PARD6G: variants seen among roughly 807,000 people sequenced by gnomAD.
PARD6G encodes the protein partitioning defective 6 homolog gamma.
A neutral mutation model predicts 10.7 loss-of-function variants in PARD6G; 7 were observed. That is an observed-to-expected ratio of 0.66 (90% CI 0.37 to 1.23). The LOEUF is 1.23. Among genes scored for constraint, PARD6G ranks in the 50% most tolerant of loss-of-function variants. The probability of loss-of-function intolerance (pLI) is 0.02; values close to 1 mark genes in which losing one functional copy is unlikely to be tolerated. For synonymous variants in PARD6G, 287 were observed against 269.4 expected (o/e 1.07, Z -0.64); for missense variants, 548 against 571.8 (o/e 0.96, Z 0.42).
Position 80,200,392 on chromosome 18 carries a change from C to T in PARD6G, c.295+2318G>A, listed in dbSNP as rs951949932. The stretch of plus-strand genomic sequence containing the variant: ...GCTCTGATTTTCCCAAAGACAGGAC[C>T]GAGGGGCCAGTGAAGGGCTTGTCAT... On this transcript the variant is annotated intron_variant, in intron 2 of 2. Coordinates refer to ENST00000353265, the MANE Select transcript of PARD6G (RefSeq NM_032510.4). The surrounding 1 kb of genome is among the most constrained non-coding windows in gnomAD (Gnocchi z 4.4). Among the ~76,000 whole-genome samples, 5 of 152,094 alleles carry T rather than the reference C, an allele frequency of 3.3e-5. No homozygotes were observed. The highest frequency in any genetic ancestry group is 4.8e-5 in the African/African-American group (2 of 41,418).
intron 2 of PARD6G, chr18:80,177,978 C>CACACAT (rs1694391735): frequency 6.2e-6 from 1 of 162,542 alleles, no homozygotes; most frequent in Non-Finnish European, 1.5e-5. Flanking sequence ...TGCATACACA[C>CACACAT]ACACACACAC....
chr18:80,243,885 C>T (rs529801801), intron 1 of PARD6G, among the ~76,000 whole-genome samples: 8 of 152,104 alleles, frequency 5.3e-5, no homozygotes, highest in Non-Finnish European at 1.0e-4. Flanking sequence ...GGGCCATCTA[C>T]GCTCACGTCT....
intron 2 of PARD6G, 162 bp downstream of exon 2, chr18:80,202,548 T>C (rs1967017219): frequency 1.7e-6 from 1 of 594,476 alleles, no homozygotes; most frequent in Non-Finnish European, 3.0e-6. Flanking sequence ...CAGTTTAGTA[T>C]TTTGTCTATT....
At position 80,247,252 on chromosome 18, in the gene PARD6G, C is replaced by T. The variant is rs749309737; in HGVS notation, c.72+25G>A. On this transcript the variant is annotated intron_variant, in intron 1 of 2. Coordinates refer to ENST00000353265, the MANE Select transcript of PARD6G (RefSeq NM_032510.4). The surrounding 1 kb of genome is among the most constrained non-coding windows in gnomAD (Gnocchi z 4.2). ...ATTAGCCAGGAGACTGGGCGCAGGGCCGCCGGGGCGGGCGGGGGGCTTACC... is the reference window on the plus strand; with the variant it reads ...ATTAGCCAGGAGACTGGGCGCAGGGTCGCCGGGGCGGGCGGGGGGCTTACC... The T allele has an allele frequency of 1.3e-6, 2 of 1,561,496 alleles. No homozygotes were observed. Among genetic ancestry groups the T allele is most frequent in the East Asian group, 2.5e-5 (1 of 39,486 alleles).
At chr18:80,171,271 C>G (rs576101632) in intron 2 of PARD6G, 1 of 152,224 alleles carries the variant, frequency 6.6e-6, no homozygotes. Flanking sequence ...CGTCCCTCGT[C>G]GGGTAGTGCT....
chr18:80,194,141 C>A (rs1035827097), intron 2 of PARD6G, among the ~76,000 whole-genome samples: 1 of 152,200 alleles, frequency 6.6e-6, no homozygotes, highest in Non-Finnish European at 1.5e-5. Flanking sequence ...ATTTCTACAA[C>A]GAGCTACTTT....
rs1277105310 is a variant in PARD6G at position 80,228,371 on chromosome 18, G to A, written c.72+18906C>T. ...TGGAGAACACAGGCCACATGCACAA[G>A]GCCACCCAGGTCCCTCTACATTGAC... On this transcript the variant is annotated intron_variant, in intron 1 of 2. Transcript: ENST00000353265. This position sits in a 1 kb window ranked among gnomAD's most constrained non-coding sequence, Gnocchi z 4.6. Among the ~76,000 whole-genome samples, 1 of 152,106 alleles carries A rather than the reference G, an allele frequency of 6.6e-6. No individual in the cohort carries two copies. Among genetic ancestry groups the A allele is most frequent in the African/African-American group, 2.4e-5 (1 of 41,412 alleles).
chr18:80,239,384 C>T (rs958347060), intron 1 of PARD6G, among the ~76,000 whole-genome samples: 49 of 152,158 alleles, frequency 3.2e-4, no homozygotes, highest in African/African-American at 1.1e-3. Flanking sequence ...CTGGGCTACA[C>T]TGGAGGAAGA....
At chr18:80,177,216 G>GCACA (rs1491357384) in intron 2 of PARD6G, among the ~76,000 whole-genome samples, 16 of 48,168 alleles carry the variant, frequency 3.3e-4, no homozygotes, top group African/African-American at 1.9e-3. Flanking sequence ...TAAATGGGAA[G>GCACA]CGCACACACA....
At chr18:80,196,972 A>G (rs902324487) in intron 2 of PARD6G, among the ~76,000 whole-genome samples, 1 of 150,472 alleles carries the variant, frequency 6.6e-6, no homozygotes, top group Non-Finnish European at 1.5e-5. Context: ...AAAGCAGCAA[A>G]CATGTCTCAT....
intron 1 of PARD6G, among the ~76,000 whole-genome samples, chr18:80,214,044 A>G (rs1045525178): frequency 1.3e-5 from 2 of 152,140 alleles, no homozygotes; most frequent in African/African-American, 4.8e-5. Flanking sequence ...AGCAGTCAGT[A>G]GAAACTGTCC....
chr18:80,167,221 G>A lies in PARD6G; in HGVS notation c.296-6615C>T, dbSNP rs1020983832. Among the ~76,000 whole-genome samples, 10 of 151,684 alleles carry A rather than the reference G, an allele frequency of 6.6e-5. No homozygotes were observed. In the South Asian group the frequency reaches 1.3e-3, roughly 20 times the overall value. The stretch of plus-strand genomic sequence containing the variant: ...CAGGATAACACGTGGGCAGTGTTGT[G>A]TGTGGACCTGTGTGCCGGATAACAC... On this transcript the variant is annotated intron_variant, in intron 2 of 2. Transcript: ENST00000353265.
intron 2 of PARD6G, among the ~76,000 whole-genome samples, chr18:80,176,734 G>A (rs1458831843): frequency 1.3e-5 from 2 of 152,138 alleles, no homozygotes; most frequent in South Asian, 2.1e-4. Flanking sequence ...CCGAGCTCCC[G>A]ACAGGGCAAA....
intron 1 of PARD6G, among the ~76,000 whole-genome samples, chr18:80,217,479 C>T (rs1967181648): frequency 6.6e-6 from 1 of 152,108 alleles, no homozygotes; most frequent in Non-Finnish European, 1.5e-5. Flanking sequence ...CACTCTCAGC[C>T]AGGTAACCAA....
chr18:80,230,715 G>A (rs888826085), intron 1 of PARD6G, among the ~76,000 whole-genome samples: 2 of 152,190 alleles, frequency 1.3e-5, no homozygotes, highest in African/African-American at 4.8e-5. Flanking sequence ...ACTGCTAAAT[G>A]TAGGAGGTGG....
intron 2 of PARD6G, among the ~76,000 whole-genome samples, chr18:80,185,920 A>G (rs1309924042): frequency 7.7e-6 from 1 of 129,292 alleles, no homozygotes; most frequent in Non-Finnish European, 1.6e-5. Flanking sequence ...ACATGCATAC[A>G]CCCTCACGCG....
rs1272180804 is a variant in PARD6G at position 80,180,362 on chromosome 18, G to A, written c.296-19756C>T. ...GCAGGTGAGGACACGCAGCTGGGAG[G>A]GGCGCAGCCGGCAGCACCTGGGAAT... On this transcript the variant is annotated intron_variant, in intron 2 of 2. Transcript: ENST00000353265. This position sits in a 1 kb window ranked among gnomAD's most constrained non-coding sequence, Gnocchi z 5.6. Among the ~76,000 whole-genome samples the A allele has an allele frequency of 6.6e-6, 1 of 152,168 alleles. No individual in the cohort carries two copies. Among genetic ancestry groups the A allele is most frequent in the Non-Finnish European group, 1.5e-5 (1 of 68,008 alleles).
intron 2 of PARD6G, chr18:80,170,706 T>G (rs2052770293): frequency 6.6e-6 from 1 of 152,284 alleles, no homozygotes; most frequent in Non-Finnish European, 1.5e-5. Flanking sequence ...AAGTCCTAGT[T>G]TCCATCTAAG....
chr18:80,201,699 G>A lies in PARD6G; in HGVS notation c.295+1011C>T, dbSNP rs529490559. Among the ~76,000 whole-genome samples the A allele has an allele frequency of 5.8e-4, 89 of 152,362 alleles. No homozygotes were observed. Among genetic ancestry groups the A allele is most frequent in the African/African-American group, 2.0e-3 (84 of 41,588 alleles). ...CTAGTATTTACAGAGCAGGGACGAG[G>A]AGCTGGCAGCACGCTGCTCAGCATC... On this transcript the variant is annotated intron_variant, in intron 2 of 2. Transcript: ENST00000353265. This position sits in a 1 kb window ranked among gnomAD's most constrained non-coding sequence, Gnocchi z 5.9.
Sources: gnomAD v4.1 joint callset for allele counts (sites outside exome capture counted in the v4.1 genomes callset) on GRCh38, gnomAD v4.1.1 for gene constraint, Gnocchi (gnomAD v3.1) non-coding constraint, MANE v1.5 for transcripts, NCBI Gene and HGNC (gene_info 2026-07-23, HGNC 2026-07-21) for gene names.